C1QTNF3: variants seen among roughly 807,000 people sequenced by gnomAD.
C1QTNF3 encodes C1q and TNF related 3, also known as complement C1q tumor necrosis factor-related protein 3.
Under a neutral mutation model 32.6 loss-of-function variants are expected in C1QTNF3, and 26 were observed. The ratio of observed to expected loss-of-function variants is 0.80; its 90% CI spans 0.58 to 1.11. The LOEUF is 1.11. Ranked by LOEUF, C1QTNF3 falls within the 50% of genes least tolerant of loss-of-function variation. The probability of loss-of-function intolerance (pLI) is 0.00; values close to 1 mark genes in which losing one functional copy is unlikely to be tolerated. For missense variants in C1QTNF3, 362 were observed against 398.2 expected (o/e 0.91, Z 0.77); for synonymous variants, 155 against 146.0 (o/e 1.06, Z -0.44).
At chr5:34,046,214 T>A (rs1579615427), upstream of C1QTNF3, among the ~76,000 whole-genome samples, 1 of 152,238 alleles carries the variant, frequency 6.6e-6, no homozygotes, top group African/African-American at 2.4e-5. Flanking sequence ...GTTTGTCCTG[T>A]AGAAGCCTCC....
the C1QTNF3 span, among the ~76,000 whole-genome samples, chr5:34,079,241 A>G: frequency 6.6e-6 from 1 of 151,658 alleles, no homozygotes; most frequent in Non-Finnish European, 1.5e-5. Context: ...AATCCTAGAA[A>G]CTACAAGACA....
chr5:34,157,202 C>T, the C1QTNF3 span, among the ~76,000 whole-genome samples: 4 of 152,276 alleles, frequency 2.6e-5, no homozygotes, highest in South Asian at 2.1e-4. Context: ...AGATTACTCA[C>T]GGCCAAGACA....
chr5:34,214,806 G>T, the C1QTNF3 span, among the ~76,000 whole-genome samples: 1 of 152,124 alleles, frequency 6.6e-6, no homozygotes, highest in Admixed American at 6.6e-5. Flanking sequence ...AACTTAAAGA[G>T]ATATTATCTT....
At chr5:34,177,659 G>C in the C1QTNF3 span, among the ~76,000 whole-genome samples, 2 of 151,598 alleles carry the variant, frequency 1.3e-5, no homozygotes, top group African/African-American at 2.4e-5. Flanking sequence ...GCTAATTTCT[G>C]TGTTTTCTTA....
chr5:34,241,951 GGGAAGGAAGGAAGGAAGGAA>G, the C1QTNF3 span, among the ~76,000 whole-genome samples: 24 of 90,206 alleles, frequency 2.7e-4, no homozygotes, highest in South Asian at 1.4e-3. Context: ...AAGGGAGGGA[GGGAAGGAAGGAAGGAAGGAA>G]GGAAGGAAGG....
At chr5:34,026,970 AG>A (rs1338968656) in intron 4 of C1QTNF3, among the ~76,000 whole-genome samples, 1 of 152,238 alleles carries the variant, frequency 6.6e-6, no homozygotes, top group Admixed American at 6.5e-5. Flanking sequence ...TGAAAAGCTG[AG>A]GGCATCAGAA....
chr5:34,064,465 A>G, the C1QTNF3 span, among the ~76,000 whole-genome samples: 3 of 152,188 alleles, frequency 2.0e-5, no homozygotes, highest in African/African-American at 4.8e-5. Flanking sequence ...TAGCTCTATT[A>G]GAAGCCATAG....
At chr5:34,065,158 T>C in the C1QTNF3 span, among the ~76,000 whole-genome samples, 1 of 147,802 alleles carries the variant, frequency 6.8e-6, no homozygotes, top group Non-Finnish European at 1.5e-5. Flanking sequence ...GAAGGACTAA[T>C]ATCTAGAATC....
the C1QTNF3 span, among the ~76,000 whole-genome samples, chr5:34,178,227 G>A: frequency 6.6e-6 from 1 of 151,960 alleles, no homozygotes; most frequent in African/African-American, 2.4e-5. Context: ...GTAGCAGTGA[G>A]TCAAGATTGC....
the C1QTNF3 span, among the ~76,000 whole-genome samples, chr5:34,154,435 C>G: frequency 6.6e-6 from 1 of 152,036 alleles, no homozygotes; most frequent in African/African-American, 2.4e-5. Context: ...TTAAATGTTA[C>G]CCTGTGTCCT....
At chr5:34,175,555 A>C in the C1QTNF3 span, 1 of 338,320 alleles carries the variant, frequency 3.0e-6, no homozygotes, top group Non-Finnish European at 5.6e-6. Flanking sequence ...ATAGACAAGA[A>C]AAAGGCAAGC....
the C1QTNF3 span, among the ~76,000 whole-genome samples, chr5:34,198,686 G>A: frequency 4.8e-5 from 2 of 41,880 alleles, no homozygotes; most frequent in South Asian, 8.4e-4. Flanking sequence ...GGAGGAGTAT[G>A]AAGCTCCACT....
chr5:34,031,002 G>A (rs1028422361), intron 3 of C1QTNF3, among the ~76,000 whole-genome samples: 1 of 151,982 alleles, frequency 6.6e-6, no homozygotes, highest in Non-Finnish European at 1.5e-5. Flanking sequence ...AATATCTGGT[G>A]ATAAAATAAT....
chr5:34,166,118 T>G, the C1QTNF3 span: 25 of 151,660 alleles, frequency 1.6e-4, no homozygotes, highest in African/African-American at 5.8e-4. Flanking sequence ...AATTAAATAA[T>G]ATAATATTTT....
chr5:34,238,639 AT>A, the C1QTNF3 span, among the ~76,000 whole-genome samples: 1 of 152,020 alleles, frequency 6.6e-6, no homozygotes, highest in Non-Finnish European at 1.5e-5. Context: ...ATGGAATTAT[AT>A]AAAGAGACCA....
chr5:34,140,120 GGA>G, the C1QTNF3 span, among the ~76,000 whole-genome samples: 1 of 152,132 alleles, frequency 6.6e-6, no homozygotes, highest in Non-Finnish European at 1.5e-5. Context: ...ATGACTCAGC[GGA>G]GAGTTGAAGA....
chr5:34,225,046 G>A, the C1QTNF3 span, among the ~76,000 whole-genome samples: 12 of 152,146 alleles, frequency 7.9e-5, no homozygotes, highest in Admixed American at 5.9e-4. Context: ...AAAAACACAT[G>A]AAGAAATGCT....
the C1QTNF3 span, among the ~76,000 whole-genome samples, chr5:34,096,779 G>T: frequency 6.6e-6 from 1 of 151,900 alleles, no homozygotes; most frequent in Non-Finnish European, 1.5e-5. Context: ...GTTAATGGAG[G>T]AATATGATAT....
chr5:34,156,071 A>C, the C1QTNF3 span, among the ~76,000 whole-genome samples: 1 of 152,116 alleles, frequency 6.6e-6, no homozygotes, highest in Non-Finnish European at 1.5e-5. Context: ...ATTTTTAAAA[A>C]TTATTTATTT....
Sources: allele counts gnomAD v4.1 joint callset (sites outside exome capture counted in the v4.1 genomes callset), GRCh38; gene constraint gnomAD v4.1.1; transcripts MANE v1.5; gene names NCBI Gene and HGNC (gene_info 2026-07-23, HGNC 2026-07-21).